The following SMYD3 variants were observed in gnomAD, a reference collection of about 807,000 sequenced individuals.
SMYD3 encodes SET and MYND domain containing 3.
In SMYD3, 36 loss-of-function variants were observed where a neutral mutation model predicts 57.7. The observed-to-expected ratio is 0.62, with a 90% CI of 0.48 to 0.82. The LOEUF (loss-of-function observed/expected upper bound fraction) is 0.82, where lower values mean the gene tolerates loss of function less well. SMYD3 is among the 40% of genes least tolerant of loss of function. The probability of loss-of-function intolerance (pLI) is 0.00; values close to 1 mark genes in which losing one functional copy is unlikely to be tolerated. For synonymous variants in SMYD3, 211 were observed against 195.0 expected (o/e 1.08, Z -0.68); for missense variants, 515 against 538.8 (o/e 0.96, Z 0.44).
Position 246,203,182 on chromosome 1 carries a change from T to C in SMYD3, c.531+124019A>G, listed in dbSNP as rs1478526897. On this transcript the variant is annotated intron_variant, in intron 5 of 11. Coordinates refer to ENST00000490107, the MANE Select transcript of SMYD3 (RefSeq NM_001167740.2). The surrounding 1 kb of genome is among the most constrained non-coding windows in gnomAD (Gnocchi z 4.6). ...GACTTAAGAACTTTCTCCAGTTTCC[T>C]TCCCTGGTCCACAGCAAATCCCTCT... 3.3e-5 allele frequency among the ~76,000 whole-genome samples: 5 copies of C among 152,188 alleles called. No individual in the cohort carries two copies. Among genetic ancestry groups the C allele is most frequent in the Admixed American group, 2.0e-4 (3 of 15,274 alleles).
At chr1:246,094,859 T>A (rs1175685761) in intron 5 of SMYD3, among the ~76,000 whole-genome samples, 1 of 152,190 alleles carries the variant, frequency 6.6e-6, no homozygotes, top group Non-Finnish European at 1.5e-5. Context: ...CTAAATCTGC[T>A]GAGCGTATCT....
chr1:246,037,401 A>G (rs2059795460), intron 5 of SMYD3, among the ~76,000 whole-genome samples: 1 of 152,148 alleles, frequency 6.6e-6, no homozygotes, highest in South Asian at 2.1e-4. Context: ...TGTCATAGGA[A>G]GCTCACCCCT....
intron 5 of SMYD3, among the ~76,000 whole-genome samples, chr1:246,050,766 G>A (rs34475394): frequency 0.076 from 11,492 of 152,164 alleles, 510 homozygotes; most frequent in African/African-American, 0.11. Context: ...CAAGCTGGGA[G>A]GTAGCGAGCT....
intron 1 of SMYD3, among the ~76,000 whole-genome samples, chr1:246,492,183 G>A (rs1414499940): frequency 1.3e-5 from 2 of 152,064 alleles, no homozygotes; most frequent in African/African-American, 4.8e-5. Context: ...ATTTAATCTA[G>A]TTAAATTAGT....
At chr1:245,835,393 C>T (rs1412763557) in intron 10 of SMYD3, among the ~76,000 whole-genome samples, 1 of 152,144 alleles carries the variant, frequency 6.6e-6, no homozygotes, top group Non-Finnish European at 1.5e-5. Context: ...GCTGGGATTA[C>T]AGGCGTGAGC....
intron 8 of SMYD3, among the ~76,000 whole-genome samples, chr1:245,876,473 T>C (rs566517114): frequency 6.6e-6 from 1 of 152,378 alleles, no homozygotes; most frequent in Non-Finnish European, 1.5e-5. Context: ...GCGATCATGC[T>C]GTCACTCTTC....
At chr1:246,365,931 A>C (rs1446582687) in intron 1 of SMYD3, among the ~76,000 whole-genome samples, 1 of 152,064 alleles carries the variant, frequency 6.6e-6, no homozygotes, top group African/African-American at 2.4e-5. Context: ...GCTGCTCTGA[A>C]CCCTGCCTTC....
chr1:246,271,534 G>A (rs1215513837), intron 5 of SMYD3, among the ~76,000 whole-genome samples: 2 of 152,148 alleles, frequency 1.3e-5, no homozygotes, highest in African/African-American at 4.8e-5. Flanking sequence ...AGTTGTCCTG[G>A]CACCATTTGT....
intron 10 of SMYD3, among the ~76,000 whole-genome samples, chr1:245,792,178 T>C (rs2047305586): frequency 6.6e-6 from 1 of 152,170 alleles, no homozygotes; most frequent in South Asian, 2.1e-4. Context: ...GAACCCACAA[T>C]CAGCCAAGCA....
chr1:246,042,467 C>T (rs994195178), intron 5 of SMYD3, among the ~76,000 whole-genome samples: 1 of 152,186 alleles, frequency 6.6e-6, no homozygotes, highest in Non-Finnish European at 1.5e-5. Flanking sequence ...CAGGTTCACA[C>T]TCCAAGCCAC....
At chr1:246,106,266 C>A (rs6681900) in intron 5 of SMYD3, among the ~76,000 whole-genome samples, 2 of 151,924 alleles carry the variant, frequency 1.3e-5, no homozygotes, top group Non-Finnish European at 2.9e-5. Context: ...CAAAAGACCA[C>A]GACGGCAGCA....
chr1:246,244,370 T>C (rs1008745726), intron 5 of SMYD3, among the ~76,000 whole-genome samples: 1 of 151,748 alleles, frequency 6.6e-6, no homozygotes, highest in African/African-American at 2.4e-5. Flanking sequence ...AGAAGGATTC[T>C]ACTTGTGAGT....
At chr1:246,228,131 G>A (rs772804267) in intron 5 of SMYD3, among the ~76,000 whole-genome samples, 37 of 151,740 alleles carry the variant, frequency 2.4e-4, no homozygotes, top group Admixed American at 1.6e-3. Flanking sequence ...TACCATGACC[G>A]GCTAATTTTT....
chr1:246,255,233 T>C (rs2063861976), intron 5 of SMYD3, among the ~76,000 whole-genome samples: 2 of 152,056 alleles, frequency 1.3e-5, no homozygotes, highest in Admixed American at 6.5e-5. Flanking sequence ...CTCCCAGTTT[T>C]TGTCCATTCA....
intron 1 of SMYD3, among the ~76,000 whole-genome samples, chr1:246,371,496 GGAA>G (rs1444397884): frequency 1.6e-4 from 24 of 151,962 alleles, no homozygotes; most frequent in Admixed American, 1.4e-3. Context: ...TAAAAAATGA[GGAA>G]GAAGAAAAAA....
chr1:245,849,697 G>C (rs1323372923), intron 10 of SMYD3, among the ~76,000 whole-genome samples: 1 of 151,904 alleles, frequency 6.6e-6, no homozygotes, highest in Non-Finnish European at 1.5e-5. Context: ...CAGTCACCCA[G>C]GTTAGAGTGC....
intron 10 of SMYD3, among the ~76,000 whole-genome samples, chr1:245,782,486 G>T (rs932229592): frequency 4.6e-5 from 7 of 152,214 alleles, no homozygotes; most frequent in Admixed American, 1.3e-4. Context: ...ACACCTGACG[G>T]CATGGAAGTG....
intron 5 of SMYD3, among the ~76,000 whole-genome samples, chr1:246,075,049 T>A (rs1255091247): frequency 6.6e-6 from 1 of 151,408 alleles, no homozygotes; most frequent in Non-Finnish European, 1.5e-5. Flanking sequence ...GAGGACAGGG[T>A]GACCCATTCT....
At chr1:246,422,004 C>T (rs1446422996) in intron 1 of SMYD3, among the ~76,000 whole-genome samples, 1 of 152,162 alleles carries the variant, frequency 6.6e-6, no homozygotes, top group Non-Finnish European at 1.5e-5. Context: ...CCGGACCACT[C>T]TCACAGATAC....
Sources: gnomAD v4.1 joint callset for allele counts (sites outside exome capture counted in the v4.1 genomes callset) on GRCh38, gnomAD v4.1.1 for gene constraint, Gnocchi (gnomAD v3.1) non-coding constraint, MANE v1.5 for transcripts, NCBI Gene and HGNC (gene_info 2026-07-23, HGNC 2026-07-21) for gene names.